The following FRMPD1 variants were observed in gnomAD, a reference collection of about 807,000 sequenced individuals.
The protein encoded by FRMPD1 is FERM and PDZ domain containing 1, also known as FERM and PDZ domain-containing protein 1.
FRMPD1 carries 76 observed loss-of-function variants against 117.8 expected under a neutral mutation model. The ratio of observed to expected loss-of-function variants is 0.65; its 90% CI spans 0.54 to 0.78. The LOEUF (loss-of-function observed/expected upper bound fraction) is 0.78, where lower values mean the gene tolerates loss of function less well. Ranked by LOEUF, FRMPD1 falls within the 30% of genes least tolerant of loss-of-function variation. FRMPD1 has a pLI of 0.00. For synonymous variants in FRMPD1, 783 were observed against 770.4 expected (o/e 1.02, Z -0.27); for missense variants, 1,786 against 1,964.5 (o/e 0.91, Z 1.72).
At chr9:37,609,581 G>C in the FRMPD1 span, among the ~76,000 whole-genome samples, 8 of 152,100 alleles carry the variant, frequency 5.3e-5, no homozygotes, top group Admixed American at 1.3e-4. Flanking sequence ...TTACTTCCCT[G>C]CTTCAAACCA....
At chr9:37,630,367 C>CT in the FRMPD1 span, among the ~76,000 whole-genome samples, 2 of 151,850 alleles carry the variant, frequency 1.3e-5, no homozygotes, top group African/African-American at 4.8e-5. Flanking sequence ...CTTTTCGTTT[C>CT]TTTTTTGCTT....
At chr9:37,633,744 C>T in the FRMPD1 span, among the ~76,000 whole-genome samples, 1 of 152,264 alleles carries the variant, frequency 6.6e-6, no homozygotes, top group Admixed American at 6.5e-5. Context: ...ACCTGTAGTC[C>T]CAGCTGCTTG....
At chr9:37,662,549 A>T (rs75156572) in intron 1 of FRMPD1, among the ~76,000 whole-genome samples, 5,047 of 152,266 alleles carry the variant, frequency 0.033, 282 homozygotes, top group African/African-American at 0.12. Context: ...CGGAACCAGA[A>T]CAGGGAGAGA....
At chr9:37,742,652 A>C (rs1177367257) in intron 15 of FRMPD1, among the ~76,000 whole-genome samples, 1 of 152,180 alleles carries the variant, frequency 6.6e-6, no homozygotes, top group Non-Finnish European at 1.5e-5. Flanking sequence ...TAATCCCAGC[A>C]CTTTGGGAGG....
intron 1 of FRMPD1, among the ~76,000 whole-genome samples, chr9:37,656,842 C>G (rs1820858236): frequency 6.6e-6 from 1 of 151,846 alleles, no homozygotes; most frequent in African/African-American, 2.4e-5. Context: ...GACCTTTTTG[C>G]CAGCAGTTAG....
At chr9:37,732,241 G>C in intron 9 of FRMPD1, 63 bp from the exon 10 acceptor site, 1 of 1,571,518 alleles carries the variant, frequency 6.4e-7, no homozygotes, top group Non-Finnish European at 8.7e-7. Context: ...TTTCACCCGA[G>C]AGAACGAGGG....
chr9:37,742,167 CA>C (rs1179695994), intron 15 of FRMPD1, among the ~76,000 whole-genome samples: 1 of 152,234 alleles, frequency 6.6e-6, no homozygotes, highest in African/African-American at 2.4e-5. Flanking sequence ...CCACCATCTA[CA>C]CTGAGTTCAA....
chr9:37,653,523 A>G lies in FRMPD1; in HGVS notation c.-5+2429A>G, dbSNP rs76830334. On this transcript the variant is annotated intron_variant, in intron 1 of 15. Transcript: ENST00000377765. ...TTCAGATCAGATACTAACATCAACA[A>G]CAGGCAATGCCCTGTAAATACTGTT... is the stretch of plus-strand genomic sequence containing the variant. Among the ~76,000 whole-genome samples the G allele has an allele frequency of 6.8e-3, 1,041 of 152,264 alleles. 10 individuals are homozygous for G. The highest frequency in any genetic ancestry group is 0.023 in the African/African-American group (973 of 41,540).
chr9:37,653,395 A>G (rs1340446591), intron 1 of FRMPD1, among the ~76,000 whole-genome samples: 1 of 152,182 alleles, frequency 6.6e-6, no homozygotes, highest in Non-Finnish European at 1.5e-5. Flanking sequence ...ATGTGCATTG[A>G]TTTAGAACCT....
rs535797127 is a variant in FRMPD1, at chr9:37,708,648, A to T, written c.362+147A>T. The T allele has an allele frequency of 1.1e-4, 65 of 589,970 alleles. No individual in the cohort carries two copies. The African/African-American group carries it at 1.1e-3, about 10-fold the overall frequency. 36.5% of individuals were successfully genotyped at this position (589,970 alleles called of 1,614,324 possible). A position where few individuals can be genotyped will look rare whatever the true frequency, so the allele number is the denominator to read the frequency against. Reference sequence around the variant, plus strand: ...AAAAACAGCCTCGTTTTAGAGTTCCATCTATTAAAACGGCTTCTTGTTAGT... The same window carrying T: ...AAAAACAGCCTCGTTTTAGAGTTCCTTCTATTAAAACGGCTTCTTGTTAGT... On this transcript the variant is annotated intron_variant, in intron 4 of 15. Coordinates refer to ENST00000377765, the MANE Select transcript of FRMPD1 (RefSeq NM_014907.3).
At position 37,691,555 on chromosome 9, in the gene FRMPD1, A is replaced by G. The variant is rs115606713; in HGVS notation, c.-4-1083A>G. On this transcript the variant is annotated intron_variant, in intron 1 of 15. Transcript: ENST00000377765. Reference sequence around the variant, plus strand: ...GAATGAAGGGATATGGGAACCCTATATTATCTTTGCAAACTTTTTATACAT... The same window carrying G: ...GAATGAAGGGATATGGGAACCCTATGTTATCTTTGCAAACTTTTTATACAT... Among the ~76,000 whole-genome samples, 539 of 152,372 alleles carry G rather than the reference A, an allele frequency of 3.5e-3. 3 individuals carry two copies. The highest frequency in any genetic ancestry group is 0.012 in the African/African-American group (510 of 41,586).
chr9:37,634,858 C>T, the FRMPD1 span, among the ~76,000 whole-genome samples: 1 of 151,732 alleles, frequency 6.6e-6, no homozygotes, highest in Non-Finnish European at 1.5e-5. Context: ...CCTATTGACC[C>T]ACCCTGTAAG....
At chr9:37,637,051 A>G in the FRMPD1 span, 1 of 1,545,260 alleles carries the variant, frequency 6.5e-7, no homozygotes, top group Non-Finnish European at 8.9e-7. Context: ...GGAAGCCATG[A>G]GCCCCCCGGT....
intron 1 of FRMPD1, among the ~76,000 whole-genome samples, chr9:37,678,964 G>C (rs1173445202): frequency 3.9e-5 from 6 of 152,188 alleles, no homozygotes; most frequent in African/African-American, 1.4e-4. Context: ...TTAGGGCCCA[G>C]CACAGGTGCT....
chr9:37,742,554 G>A (rs1481594441), intron 15 of FRMPD1, among the ~76,000 whole-genome samples: 1 of 152,146 alleles, frequency 6.6e-6, no homozygotes, highest in East Asian at 1.9e-4. Context: ...AGTAGCCTAG[G>A]GCAGTCAAAT....
At chr9:37,684,879 G>A (rs1274600663) in intron 1 of FRMPD1, among the ~76,000 whole-genome samples, 4 of 152,056 alleles carry the variant, frequency 2.6e-5, no homozygotes, top group African/African-American at 7.2e-5. Flanking sequence ...TTAGCTTCCC[G>A]ATTAGCTGGG....
the FRMPD1 span, among the ~76,000 whole-genome samples, chr9:37,611,369 A>C: frequency 6.6e-6 from 1 of 152,206 alleles, no homozygotes; most frequent in Non-Finnish European, 1.5e-5. Flanking sequence ...CAGATTCTCA[A>C]AGGACTCGAA....
At chr9:37,713,683 G>A (rs147391984) in intron 5 of FRMPD1, among the ~76,000 whole-genome samples, 14 of 151,904 alleles carry the variant, frequency 9.2e-5, no homozygotes, top group African/African-American at 2.4e-4. Context: ...GTGTGTGTGT[G>A]TATATATATG....
At chr9:37,702,878 G>A (rs1238442151) in intron 2 of FRMPD1, among the ~76,000 whole-genome samples, 1 of 152,120 alleles carries the variant, frequency 6.6e-6, no homozygotes, top group Non-Finnish European at 1.5e-5. Context: ...TAGAGTCTTC[G>A]AGGTCATTCT....
Sources: gnomAD v4.1 joint callset for allele counts (sites outside exome capture counted in the v4.1 genomes callset) on GRCh38, gnomAD v4.1.1 for gene constraint, MANE v1.5 for transcripts, NCBI Gene and HGNC (gene_info 2026-07-23, HGNC 2026-07-21) for gene names.